ZFAT: variants seen among roughly 807,000 people sequenced by gnomAD.
ZFAT encodes the protein zinc finger protein ZFAT.
ZFAT carries 64 observed loss-of-function variants against 117.7 expected under a neutral mutation model. The ratio of observed to expected loss-of-function variants is 0.54; its 90% CI spans 0.44 to 0.67. ZFAT has a LOEUF of 0.67. Ranked by LOEUF, ZFAT falls within the 30% of genes least tolerant of loss-of-function variation. ZFAT has a pLI of 0.00. For missense variants in ZFAT, 1,433 were observed against 1,584.5 expected (o/e 0.90, Z 1.62); for synonymous variants, 679 against 615.0 (o/e 1.10, Z -1.54).
At chr8:134,587,635 G>A (rs1411359989) in intron 9 of ZFAT, among the ~76,000 whole-genome samples, 1 of 152,168 alleles carries the variant, frequency 6.6e-6, no homozygotes, top group Admixed American at 6.5e-5. Flanking sequence ...AGAAAACAAA[G>A]TTGACGGTCT....
chr8:134,786,983 G>A, the ZFAT span, among the ~76,000 whole-genome samples: 2 of 151,604 alleles, frequency 1.3e-5, no homozygotes, highest in African/African-American at 4.8e-5. Flanking sequence ...CAAGTAACTG[G>A]GACTACAAGT....
chr8:134,712,949 T>C lies in ZFAT; in HGVS notation c.-86A>G. 1.4e-6 allele frequency: 2 copies of C among 1,385,710 alleles called. No individual in the cohort carries two copies. Among genetic ancestry groups the C allele is most frequent in the Non-Finnish European group, 1.9e-6 (2 of 1,050,844 alleles). The allele number at this position is 1,385,710 out of a possible 1,614,324, so 85.8% of individuals were successfully genotyped here. On this transcript the variant is annotated 5_prime_UTR_variant, in exon 1 of 16. Coordinates refer to ENST00000377838, the MANE Select transcript of ZFAT (RefSeq NM_020863.4). ...CGACCGAGGGGGCGGGGCGCCCTGCTGACGCTTCGCTTTTTATTTTTATTT... is the reference window on the plus strand; with the variant it reads ...CGACCGAGGGGGCGGGGCGCCCTGCCGACGCTTCGCTTTTTATTTTTATTT...
intron 13 of ZFAT, among the ~76,000 whole-genome samples, chr8:134,515,923 C>T (rs1820220558): frequency 6.6e-6 from 1 of 152,212 alleles, no homozygotes; most frequent in African/African-American, 2.4e-5. Context: ...TCCTGTCACA[C>T]TCAAAAACTT....
At chr8:134,745,956 CAGTTTCTTAGTTTT>C in the ZFAT span, among the ~76,000 whole-genome samples, 2 of 152,164 alleles carry the variant, frequency 1.3e-5, no homozygotes, top group East Asian at 1.9e-4. Flanking sequence ...ATTTATGAGG[CAGTTTCTTAGTTTT>C]TCACATCAGC....
At chr8:134,504,900 T>G (rs1819276715) in intron 15 of ZFAT, among the ~76,000 whole-genome samples, 1 of 152,120 alleles carries the variant, frequency 6.6e-6, no homozygotes. Flanking sequence ...CACTCCTGCC[T>G]GGAGCCCTGC....
Position 134,478,258 on chromosome 8 carries a change from G to A in ZFAT, c.*224C>T, listed in dbSNP as rs1016550750. 1 of 605,300 alleles carries A rather than the reference G, an allele frequency of 1.7e-6. No individual in the cohort carries two copies. Among genetic ancestry groups the A allele is most frequent in the African/African-American group, 1.9e-5 (1 of 53,956 alleles). The allele number at this position is 605,300 out of a possible 1,614,324, so 37.5% of individuals were successfully genotyped here. A position where few individuals can be genotyped will look rare whatever the true frequency, so the allele number is the denominator to read the frequency against. ...TTCAGGAAGCAGATGGTAAGGGTCA[G>A]GGGGTGTGTGTCTATGCTGGGGTGA... is the stretch of plus-strand genomic sequence containing the variant. On this transcript the variant is annotated 3_prime_UTR_variant, in exon 16 of 16. Transcript: ENST00000377838. The surrounding 1 kb of genome is among the most constrained non-coding windows in gnomAD (Gnocchi z 5.2).
the ZFAT span, among the ~76,000 whole-genome samples, chr8:134,768,182 G>A: frequency 5.9e-5 from 9 of 152,244 alleles, no homozygotes; most frequent in African/African-American, 1.7e-4. Context: ...GCACGTGCTC[G>A]CTTCATGCCT....
intron 3 of ZFAT, among the ~76,000 whole-genome samples, chr8:134,629,484 T>C (rs866280798): frequency 6.6e-6 from 1 of 151,762 alleles, no homozygotes; most frequent in Non-Finnish European, 1.5e-5. Context: ...CTGGCTGATA[T>C]AGTTTGGATT....
chr8:134,726,346 G>A, the ZFAT span, among the ~76,000 whole-genome samples: 1 of 152,224 alleles, frequency 6.6e-6, no homozygotes, highest in Non-Finnish European at 1.5e-5. Flanking sequence ...CGTCGGGCAA[G>A]CTGACTGCAT....
At chr8:134,814,277 C>A in the ZFAT span, among the ~76,000 whole-genome samples, 3 of 152,080 alleles carry the variant, frequency 2.0e-5, no homozygotes, top group Non-Finnish European at 4.4e-5. Flanking sequence ...GTAAAAGGAG[C>A]CAAAATTAAC....
At chr8:134,664,277 C>A (rs1252708220) in intron 1 of ZFAT, among the ~76,000 whole-genome samples, 1 of 152,094 alleles carries the variant, frequency 6.6e-6, no homozygotes, top group Non-Finnish European at 1.5e-5. Context: ...CAAGCAGAAC[C>A]CGGATCTCCC....
chr8:134,738,968 C>G, the ZFAT span, among the ~76,000 whole-genome samples: 1 of 152,198 alleles, frequency 6.6e-6, no homozygotes, highest in Non-Finnish European at 1.5e-5. Context: ...ACAGCTGAGG[C>G]TGCTGAGAGT....
At chr8:134,580,632 GA>G (rs1310038008) in intron 10 of ZFAT, among the ~76,000 whole-genome samples, 5 of 152,280 alleles carry the variant, frequency 3.3e-5, no homozygotes, top group Non-Finnish European at 7.4e-5. Context: ...AGAACAGCTT[GA>G]AAAATAAGGT....
intron 5 of ZFAT, among the ~76,000 whole-genome samples, chr8:134,604,805 G>A (rs1827763032): frequency 6.6e-6 from 1 of 152,184 alleles, no homozygotes; most frequent in African/African-American, 2.4e-5. Context: ...GAAGTTACTA[G>A]TATGCCTGCA....
chr8:134,754,161 A>G, the ZFAT span, among the ~76,000 whole-genome samples: 1 of 152,244 alleles, frequency 6.6e-6, no homozygotes, highest in Non-Finnish European at 1.5e-5. Context: ...GCTCCAGGCC[A>G]AAGCATCCAT....
In ZFAT at chr8:134,649,203, C is replaced by CACACACACACACACA. The variant is rs35498428; in HGVS notation, c.196+8357_196+8358insTGTGTGTGTGTGTGT. Reference sequence around the variant, plus strand: ...CACACACACACACACACACACACACCCCATCATACTTAATGGTAAAAGACT... The same window carrying CACACACACACACACA: ...CACACACACACACACACACACACACCACACACACACACACACCATCATACTTAATGGTAAAAGACT... On this transcript the variant is annotated intron_variant, in intron 2 of 15. Coordinates refer to ENST00000377838, the MANE Select transcript of ZFAT (RefSeq NM_020863.4). 1.1e-3 allele frequency among the ~76,000 whole-genome samples: 157 copies of CACACACACACACACA among 143,876 alleles called. 1 individual carries two copies. The highest frequency in any genetic ancestry group is 3.9e-3 in the African/African-American group (146 of 37,848). 94.4% of individuals were successfully genotyped at this position (143,876 alleles called of 152,430 possible).
At chr8:134,682,340 C>A (rs1158965197) in intron 1 of ZFAT, among the ~76,000 whole-genome samples, 1 of 152,220 alleles carries the variant, frequency 6.6e-6, no homozygotes, top group African/African-American at 2.4e-5. Flanking sequence ...CTGTAAGCTG[C>A]CTCCTGATCT....
At chr8:134,686,167 A>G (rs1016935751) in intron 1 of ZFAT, among the ~76,000 whole-genome samples, 2 of 152,228 alleles carry the variant, frequency 1.3e-5, no homozygotes, top group African/African-American at 4.8e-5. Context: ...CACCTGGCCA[A>G]TTCTCAACCT....
At chr8:134,717,660 G>A (rs1297190811), upstream of ZFAT, among the ~76,000 whole-genome samples, 10 of 147,762 alleles carry the variant, frequency 6.8e-5, no homozygotes, top group Non-Finnish European at 1.3e-4. Flanking sequence ...TTTTTTTTTT[G>A]TATTTTTAGT....
Sources: allele counts gnomAD v4.1 joint callset (sites outside exome capture counted in the v4.1 genomes callset), GRCh38; gene constraint gnomAD v4.1.1; non-coding constraint Gnocchi (gnomAD v3.1); transcripts MANE v1.5; gene names NCBI Gene and HGNC (gene_info 2026-07-23, HGNC 2026-07-21).